TTC39C: variants seen among roughly 807,000 people sequenced by gnomAD.
TTC39C encodes tetratricopeptide repeat protein 39C.
In TTC39C, 33 loss-of-function variants were observed where a neutral mutation model predicts 76.3. The observed-to-expected ratio is 0.43, with a 90% confidence interval of 0.33 to 0.58. TTC39C has a LOEUF of 0.58. Among genes scored for constraint, TTC39C ranks in the 20% least tolerant of loss-of-function variants. TTC39C has a pLI of 0.04. For missense variants in TTC39C, 595 were observed against 701.4 expected (o/e 0.85, Z 1.71); for synonymous variants, 254 against 260.6 (o/e 0.97, Z 0.24).
intron 1 of TTC39C, among the ~76,000 whole-genome samples, chr18:24,018,787 G>T (rs892537192): frequency 5.3e-5 from 8 of 152,156 alleles, no homozygotes. Context: ...AAAAACCCAC[G>T]TGGAGACATG....
chr18:24,054,974 C>T (rs2083997755), intron 1 of TTC39C, among the ~76,000 whole-genome samples: 1 of 152,190 alleles, frequency 6.6e-6, no homozygotes, highest in African/African-American at 2.4e-5. Flanking sequence ...ATAGGTACTT[C>T]ATAGAAGTGG....
chr18:24,053,585 C>T (rs2083979377), intron 1 of TTC39C, among the ~76,000 whole-genome samples: 1 of 152,212 alleles, frequency 6.6e-6, no homozygotes, highest in African/African-American at 2.4e-5. Flanking sequence ...GTAAGTTCAA[C>T]AAATTTGGAA....
At chr18:24,054,491 C>T (rs988329724) in intron 1 of TTC39C, among the ~76,000 whole-genome samples, 5 of 152,132 alleles carry the variant, frequency 3.3e-5, no homozygotes, top group African/African-American at 4.8e-5. Context: ...CAGTTTCAGT[C>T]GTGACTGTTC....
At chr18:24,001,076 C>G (rs2083307598) in intron 1 of TTC39C, among the ~76,000 whole-genome samples, 1 of 152,140 alleles carries the variant, frequency 6.6e-6, no homozygotes, top group African/African-American at 2.4e-5. Context: ...GGAGCTAAAC[C>G]TTTACACAGC....
intron 10 of TTC39C, among the ~76,000 whole-genome samples, chr18:24,127,234 C>T (rs2085062664): frequency 6.6e-6 from 1 of 152,212 alleles, no homozygotes; most frequent in African/African-American, 2.4e-5. Flanking sequence ...AGTAATGGTA[C>T]AAACTGATCC....
chr18:23,996,077 T>C (rs2083258331), intron 1 of TTC39C, among the ~76,000 whole-genome samples: 1 of 152,232 alleles, frequency 6.6e-6, no homozygotes, highest in African/African-American at 2.4e-5. Flanking sequence ...ACATTTGATA[T>C]TGTCACTATG....
At chr18:24,013,462 T>C (rs2083409818), upstream of TTC39C, among the ~76,000 whole-genome samples, 1 of 152,256 alleles carries the variant, frequency 6.6e-6, no homozygotes, top group South Asian at 2.1e-4. Context: ...GACAAAATTA[T>C]TTTGCATTTT....
intron 1 of TTC39C, among the ~76,000 whole-genome samples, chr18:24,051,176 C>T (rs1054746624): frequency 5.3e-5 from 8 of 152,116 alleles, no homozygotes; most frequent in Non-Finnish European, 8.8e-5. Context: ...TCTTCCCTTC[C>T]GTGGGGAGGA....
rs545833039 is a variant in TTC39C, at chr18:24,082,476, C to T, written c.816-437C>T. On this transcript the variant is annotated intron_variant, in intron 5 of 13. Transcript: ENST00000317571. The stretch of plus-strand genomic sequence containing the variant: ...AGGTTTATACCCTAAGTTTTGTGAA[C>T]GCAAGAGAAAACAACATTTTCCTTT... Among the ~76,000 whole-genome samples the T allele has an allele frequency of 1.2e-3, 185 of 152,004 alleles. 2 individuals are homozygous for T. The highest frequency in any genetic ancestry group is 4.1e-3 in the African/African-American group (172 of 41,470).
intron 1 of TTC39C, among the ~76,000 whole-genome samples, chr18:24,062,173 G>C (rs562150362): frequency 1.3e-5 from 2 of 152,278 alleles, no homozygotes; most frequent in Admixed American, 1.3e-4. Flanking sequence ...ATAATTAATT[G>C]CCGCAGCTCT....
At chr18:24,121,326 A>G (rs945849463) in intron 8 of TTC39C, among the ~76,000 whole-genome samples, 16 of 152,144 alleles carry the variant, frequency 1.1e-4, no homozygotes, top group African/African-American at 3.9e-4. Context: ...TAATCCCAGT[A>G]CTTTGGGAGG....
chr18:24,042,583 G>C (rs2083809236), intron 1 of TTC39C, among the ~76,000 whole-genome samples: 1 of 152,178 alleles, frequency 6.6e-6, no homozygotes, highest in Admixed American at 6.5e-5. Flanking sequence ...CCCTGCTTTA[G>C]TGAACATCTT....
At chr18:24,067,151 G>T (rs1447944753) in intron 3 of TTC39C, among the ~76,000 whole-genome samples, 1 of 152,174 alleles carries the variant, frequency 6.6e-6, no homozygotes, top group African/African-American at 2.4e-5. Context: ...ATTCAAGTTT[G>T]TTTTGTACTA....
In TTC39C at chr18:24,123,937, G is replaced by A; in HGVS notation, c.1290G>A (p.Val430=). 6.2e-7 allele frequency: 1 copy of A among 1,605,042 alleles called. No individual in the cohort carries two copies. The highest frequency in any genetic ancestry group is 8.5e-7 in the Non-Finnish European group (1 of 1,176,618). The change falls in exon 9 of 14, where the codon GTG becomes GTA. Residue 430 remains valine, a synonymous_variant. Transcript: ENST00000317571. Reference sequence around the variant, plus strand: ...ACAATCAGATTGAACAGTTCTCGGTGAAAAAGGTATGTTGGAGCCTATTGA... The same window carrying A: ...ACAATCAGATTGAACAGTTCTCGGTAAAAAAGGTATGTTGGAGCCTATTGA... ...RKNNQIEQFS[V]KKAERFRKQT...
intron 1 of TTC39C, among the ~76,000 whole-genome samples, chr18:24,035,790 A>G (rs142740471): frequency 6.6e-6 from 1 of 152,180 alleles, no homozygotes; most frequent in Non-Finnish European, 1.5e-5. Context: ...TTTGATATAG[A>G]TCGGTGTATC....
At chr18:24,068,940 T>A (rs1363798298) in intron 3 of TTC39C, among the ~76,000 whole-genome samples, 1 of 152,244 alleles carries the variant, frequency 6.6e-6, no homozygotes, top group Non-Finnish European at 1.5e-5. Flanking sequence ...TTAGAATATT[T>A]TTGTCTTTGA....
chr18:24,123,277 C>G (rs2084997708), intron 8 of TTC39C, among the ~76,000 whole-genome samples: 1 of 152,216 alleles, frequency 6.6e-6, no homozygotes, highest in African/African-American at 2.4e-5. Context: ...AACAAGAGGA[C>G]AAGGACCATG....
chr18:24,035,074 T>C (rs1249328339), intron 1 of TTC39C, among the ~76,000 whole-genome samples: 1 of 152,066 alleles, frequency 6.6e-6, no homozygotes, highest in South Asian at 2.1e-4. Flanking sequence ...CAGAATCTGG[T>C]CTCTTGCCTA....
intron 1 of TTC39C, among the ~76,000 whole-genome samples, chr18:23,996,845 C>A (rs1358983877): frequency 6.6e-6 from 1 of 152,216 alleles, no homozygotes; most frequent in Non-Finnish European, 1.5e-5. Context: ...CACAGTGGCT[C>A]ACGCCTGTAA....
Sources: gnomAD v4.1 joint callset for allele counts (sites outside exome capture counted in the v4.1 genomes callset) on GRCh38, gnomAD v4.1.1 for gene constraint, MANE v1.5 for transcripts, NCBI Gene and HGNC (gene_info 2026-07-23, HGNC 2026-07-21) for gene names.